Variants in ROBO2 observed in about 807,000 individuals in gnomAD.
ROBO2 encodes the protein roundabout homolog 2.
In ROBO2, 53 loss-of-function variants were observed where a neutral mutation model predicts 160.8. That is an observed-to-expected ratio of 0.33 (90% CI 0.26 to 0.41). ROBO2 has a LOEUF of 0.41. ROBO2 is among the 10% of genes least tolerant of loss of function. The pLI is 1.00. For synonymous variants in ROBO2, 664 were observed against 611.7 expected, an observed-to-expected ratio of 1.09 and a Z score of -1.26; for missense variants, 1,577 against 1,722.4, an observed-to-expected ratio of 0.92 and a Z score of 1.49.
chr3:77,438,539 T>TAC (rs77955703), intron 2 of ROBO2, among the ~76,000 whole-genome samples: 10,532 of 147,194 alleles, frequency 0.072, 563 homozygotes, highest in African/African-American at 0.15. Flanking sequence ...GAGAAGGGGA[T>TAC]ACACACACAC....
chr3:77,353,970 T>C (rs2068705305), intron 2 of ROBO2, among the ~76,000 whole-genome samples: 1 of 152,208 alleles, frequency 6.6e-6, no homozygotes, highest in Non-Finnish European at 1.5e-5. Context: ...CCACCACTGC[T>C]CCTTCAACTC....
At chr3:76,745,504 TTGTC>T (rs1260091620) in intron 2 of ROBO2, among the ~76,000 whole-genome samples, 2 of 152,104 alleles carry the variant, frequency 1.3e-5, no homozygotes, top group African/African-American at 2.4e-5. Flanking sequence ...AGAGAACAAT[TTGTC>T]TGTATGCTTT....
intron 2 of ROBO2, among the ~76,000 whole-genome samples, chr3:76,767,230 A>G (rs542704391): frequency 7.1e-4 from 108 of 151,712 alleles, no homozygotes; most frequent in African/African-American, 9.4e-4. Context: ...ATTAAGCATG[A>G]TATTTTCAAT....
chr3:76,178,855 C>T (rs146263711), intron 2 of ROBO2, among the ~76,000 whole-genome samples: 13 of 152,120 alleles, frequency 8.5e-5, no homozygotes, highest in African/African-American at 2.9e-4. Flanking sequence ...GCAGGAGAAT[C>T]GCTTGAACCT....
chr3:75,954,271 A>G (rs1948651938), intron 2 of ROBO2, among the ~76,000 whole-genome samples: 1 of 151,826 alleles, frequency 6.6e-6, no homozygotes, highest in Non-Finnish European at 1.5e-5. Flanking sequence ...TACCACTCTC[A>G]AGGACACTTG....
intron 2 of ROBO2, among the ~76,000 whole-genome samples, chr3:77,289,957 C>A (rs1380846637): frequency 2.0e-5 from 3 of 151,712 alleles, no homozygotes; most frequent in Admixed American, 2.0e-4. Flanking sequence ...GGCTAGATCA[C>A]CCCAGACATT....
intron 2 of ROBO2, among the ~76,000 whole-genome samples, chr3:76,592,573 CG>C (rs1202864908): frequency 6.6e-6 from 1 of 152,054 alleles, no homozygotes; most frequent in Non-Finnish European, 1.5e-5. Context: ...AAAATACCAA[CG>C]TGTATTCCTC....
At chr3:77,587,071 T>A (rs2094070497) in intron 16 of ROBO2, among the ~76,000 whole-genome samples, 1 of 152,090 alleles carries the variant, frequency 6.6e-6, no homozygotes, top group African/African-American at 2.4e-5. Context: ...TTATTTCTAA[T>A]TCACAGCTCA....
At chr3:76,225,174 A>G (rs1704206256) in intron 2 of ROBO2, among the ~76,000 whole-genome samples, 1 of 152,180 alleles carries the variant, frequency 6.6e-6, no homozygotes, top group South Asian at 2.1e-4. Context: ...AGGGTCTATA[A>G]CAAAAACAGT....
intron 1 of ROBO2, among the ~76,000 whole-genome samples, chr3:77,095,008 T>G (rs2070854444): frequency 1.3e-5 from 2 of 152,198 alleles, no homozygotes; most frequent in Non-Finnish European, 2.9e-5. Flanking sequence ...AGCACAAGTA[T>G]TTAAAAATTT....
chr3:76,041,856 A>G (rs1472850862), intron 2 of ROBO2, among the ~76,000 whole-genome samples: 1 of 151,922 alleles, frequency 6.6e-6, no homozygotes, highest in East Asian at 1.9e-4. Flanking sequence ...TAATGGCGCA[A>G]ACGCATTGCC....
chr3:76,259,096 G>A (rs1044098220), intron 2 of ROBO2, among the ~76,000 whole-genome samples: 7 of 152,036 alleles, frequency 4.6e-5, no homozygotes, highest in African/African-American at 1.7e-4. Flanking sequence ...CAGTTAGGGT[G>A]ACCTAATCTC....
chr3:76,011,486 C>T (rs914739975), intron 2 of ROBO2, among the ~76,000 whole-genome samples: 12 of 152,166 alleles, frequency 7.9e-5, no homozygotes, highest in Admixed American at 2.6e-4. Context: ...ATCCCCTTTA[C>T]TAGTTTTGGT....
chr3:76,128,197 A>G (rs1347687634), intron 2 of ROBO2, among the ~76,000 whole-genome samples: 2 of 152,076 alleles, frequency 1.3e-5, no homozygotes, highest in African/African-American at 4.8e-5. Flanking sequence ...CCCCACCTGA[A>G]GAATGTTCTT....
chr3:77,093,697 C>T (rs966405606), intron 1 of ROBO2, among the ~76,000 whole-genome samples: 3 of 152,034 alleles, frequency 2.0e-5, no homozygotes, highest in Non-Finnish European at 4.4e-5. Flanking sequence ...TTTTTAATAA[C>T]ATTGTAAAAC....
chr3:77,596,844 G>A, intron 19 of ROBO2, 94 bp downstream of exon 20: 1 of 1,393,120 alleles, frequency 7.2e-7, no homozygotes. Flanking sequence ...ACATATCAGA[G>A]AGTATTTACT....
chr3:76,538,564 T>C (rs1393213274), intron 2 of ROBO2, among the ~76,000 whole-genome samples: 1 of 152,212 alleles, frequency 6.6e-6, no homozygotes, highest in Non-Finnish European at 1.5e-5. Flanking sequence ...GGACTATTGG[T>C]GTGAAAACCA....
At chr3:76,547,490 A>G (rs1338163858) in intron 2 of ROBO2, among the ~76,000 whole-genome samples, 1 of 152,034 alleles carries the variant, frequency 6.6e-6, no homozygotes, top group East Asian at 1.9e-4. Flanking sequence ...GATAGAAAAT[A>G]TCTATGGAAG....
intron 14 of ROBO2, among the ~76,000 whole-genome samples, chr3:77,577,195 G>C (rs552634861): frequency 6.6e-6 from 1 of 152,132 alleles, no homozygotes; most frequent in Non-Finnish European, 1.5e-5. Context: ...ATTAATGCAA[G>C]CATTAAACCT....
Sources: allele counts gnomAD v4.1 joint callset (sites outside exome capture counted in the v4.1 genomes callset), GRCh38; gene constraint gnomAD v4.1.1; transcripts MANE v1.5; gene names NCBI Gene and HGNC (gene_info 2026-07-23, HGNC 2026-07-21).